SPINK8: variants seen among roughly 807,000 people sequenced by gnomAD.
SPINK8 encodes serine protease inhibitor Kazal-type 8.
SPINK8 carries 12 observed loss-of-function variants against 14.4 expected under a neutral mutation model. The observed-to-expected ratio is 0.83, with a 90% CI of 0.53 to 1.35. The LOEUF is 1.35. SPINK8 is among the 40% of genes most tolerant of loss of function. The pLI is 0.00. For missense variants in SPINK8, 103 were observed against 117.0 expected (o/e 0.88, Z 0.55); for synonymous variants, 32 against 37.6 (o/e 0.85, Z 0.55).
intron 6 of SPINK8, among the ~76,000 whole-genome samples, chr3:48,314,743 T>C (rs1406535653): frequency 2.0e-5 from 3 of 152,202 alleles, no homozygotes; most frequent in African/African-American, 7.2e-5. Flanking sequence ...TGCTGCACAG[T>C]GTGTAACAGT....
intron 4 of SPINK8, among the ~76,000 whole-genome samples, chr3:48,326,827 C>T (rs1470384175): frequency 6.6e-6 from 1 of 151,882 alleles, no homozygotes; most frequent in Non-Finnish European, 1.5e-5. Flanking sequence ...GGGAAACTCG[C>T]TTGAACCCAG....
chr3:48,314,422 A>G (rs771549714), intron 6 of SPINK8, among the ~76,000 whole-genome samples: 78 of 152,254 alleles, frequency 5.1e-4, no homozygotes, highest in Non-Finnish European at 1.6e-4. Context: ...AGTGAGTTTC[A>G]TGGCATTTTA....
At chr3:48,313,847 G>T (rs1016344537) in intron 6 of SPINK8, among the ~76,000 whole-genome samples, 1 of 152,158 alleles carries the variant, frequency 6.6e-6, no homozygotes, top group African/African-American at 2.4e-5. Flanking sequence ...AGTGAAAGAA[G>T]CCAGACACAA....
intron 4 of SPINK8, among the ~76,000 whole-genome samples, chr3:48,325,090 A>G (rs1324487241): frequency 6.6e-6 from 1 of 152,142 alleles, no homozygotes; most frequent in East Asian, 1.9e-4. Flanking sequence ...TTTGTCTGAT[A>G]TTAGTATAGC....
chr3:48,316,236 C>G (rs893756418), intron 6 of SPINK8: 2 of 153,504 alleles, frequency 1.3e-5, no homozygotes, highest in Non-Finnish European at 2.9e-5. Flanking sequence ...CCAGTAAGTT[C>G]AAAAAACTTA....
chr3:48,310,774 C>T (rs2035915247), intron 6 of SPINK8, among the ~76,000 whole-genome samples: 1 of 152,166 alleles, frequency 6.6e-6, no homozygotes, highest in South Asian at 2.1e-4. Flanking sequence ...GCAGGGATTA[C>T]AGGCATGAGC....
chr3:48,313,034 C>G (rs904329743), intron 6 of SPINK8, among the ~76,000 whole-genome samples: 3 of 147,728 alleles, frequency 2.0e-5, no homozygotes, highest in Non-Finnish European at 3.0e-5. Context: ...AACTACTAAA[C>G]TCTTAGAAGA....
intron 3 of SPINK8, among the ~76,000 whole-genome samples, chr3:48,328,772 G>A (rs1379873267): frequency 1.3e-5 from 2 of 152,080 alleles, no homozygotes; most frequent in African/African-American, 4.8e-5. Context: ...CCCCATTTCT[G>A]AAGAGCAGTC....
chr3:48,316,414 T>C (rs1273982049), intron 6 of SPINK8: 1 of 155,880 alleles, frequency 6.4e-6, no homozygotes, highest in East Asian at 1.9e-4. Context: ...ATTCATGTGA[T>C]TCCTCCATCA....
intron 6 of SPINK8, among the ~76,000 whole-genome samples, chr3:48,313,747 G>A (rs536638307): frequency 6.6e-6 from 1 of 152,180 alleles, no homozygotes; most frequent in Non-Finnish European, 1.5e-5. Context: ...AAAAATTGTG[G>A]TATATACACA....
At chr3:48,330,609 T>A (rs1051997494) in intron 2 of SPINK8, among the ~76,000 whole-genome samples, 7 of 152,122 alleles carry the variant, frequency 4.6e-5, no homozygotes, top group African/African-American at 1.7e-4. Flanking sequence ...CCTGCTTGAA[T>A]GCCTGGGTTT....
intron 6 of SPINK8, among the ~76,000 whole-genome samples, chr3:48,315,088 C>A (rs2035968820): frequency 6.6e-6 from 1 of 152,132 alleles, no homozygotes; most frequent in African/African-American, 2.4e-5. Context: ...TTTTTCCAAT[C>A]ATTAGCTGAT....
chr3:48,313,225 T>C (rs2035946978), intron 6 of SPINK8, among the ~76,000 whole-genome samples: 1 of 152,156 alleles, frequency 6.6e-6, no homozygotes, highest in African/African-American at 2.4e-5. Context: ...GGGAGAAATA[T>C]TTGAAAATCA....
intron 6 of SPINK8, among the ~76,000 whole-genome samples, chr3:48,313,109 G>A (rs1030303473): frequency 1.3e-5 from 2 of 151,860 alleles, no homozygotes; most frequent in African/African-American, 2.4e-5. Flanking sequence ...AATAGCAAAC[G>A]TAAGAACAAC....
intron 6 of SPINK8, among the ~76,000 whole-genome samples, chr3:48,314,588 T>C (rs2035962214): frequency 6.6e-6 from 1 of 152,120 alleles, no homozygotes; most frequent in African/African-American, 2.4e-5. Flanking sequence ...AGAATTGTCA[T>C]TATTTGACCT....
intron 6 of SPINK8, 78 bp downstream of exon 6, chr3:48,319,419 G>T: frequency 6.5e-7 from 1 of 1,534,752 alleles, no homozygotes; most frequent in Non-Finnish European, 8.9e-7. Context: ...TGTAGGAAGT[G>T]GGCTGAGGTC....
At chr3:48,320,923 G>T in intron 5 of SPINK8, 102 bp downstream of exon 5, 1 of 1,137,758 alleles carries the variant, frequency 8.8e-7, no homozygotes, top group Non-Finnish European at 1.3e-6. Context: ...TCCCATGCAA[G>T]CCCCCTCCAC....
intron 6 of SPINK8, among the ~76,000 whole-genome samples, chr3:48,317,520 T>C (rs2036009481): frequency 6.6e-6 from 1 of 151,990 alleles, no homozygotes; most frequent in Non-Finnish European, 1.5e-5. Flanking sequence ...ATTTATTTAT[T>C]TATTTATTTA....
At chr3:48,319,404 G>A (rs1360399561) in intron 6 of SPINK8, 93 bp downstream of exon 6, 27 of 1,423,622 alleles carry the variant, frequency 1.9e-5, no homozygotes, top group African/African-American at 2.8e-5. Flanking sequence ...GGTCTCATTG[G>A]ATGATGTAGG....
Sources: gnomAD v4.1 joint callset for allele counts (sites outside exome capture counted in the v4.1 genomes callset) on GRCh38, gnomAD v4.1.1 for gene constraint, MANE v1.5 for transcripts, NCBI Gene and HGNC (gene_info 2026-07-23, HGNC 2026-07-21) for gene names.